SOX6: variants seen among roughly 807,000 people sequenced by gnomAD.
SOX6 encodes the protein SRY-box transcription factor 6.
A neutral mutation model predicts 97.8 loss-of-function variants in SOX6; 11 were observed. That is an observed-to-expected ratio of 0.11 (90% CI 0.07 to 0.19). SOX6 has a LOEUF of 0.19. Ranked by LOEUF, SOX6 falls within the 10% of genes least tolerant of loss-of-function variation. SOX6 has a pLI of 1.00. For synonymous variants in SOX6, 360 were observed against 371.4 expected, an observed-to-expected ratio of 0.97 and a Z score of 0.35; for missense variants, 810 against 1,039.5, an observed-to-expected ratio of 0.78 and a Z score of 3.04.
chr11:16,181,091 G>GA (rs1022217253), intron 6 of SOX6, among the ~76,000 whole-genome samples: 2 of 151,190 alleles, frequency 1.3e-5, no homozygotes, highest in Non-Finnish European at 1.5e-5. Flanking sequence ...AAATTGGGGG[G>GA]AAAAAAACAG....
At chr11:16,266,741 A>G (rs1854093524) in intron 3 of SOX6, among the ~76,000 whole-genome samples, 1 of 151,630 alleles carries the variant, frequency 6.6e-6, no homozygotes, top group Non-Finnish European at 1.5e-5. Flanking sequence ...GATGTATACA[A>G]TTAAACTCCA....
At chr11:16,178,665 A>G (rs1851262055) in intron 6 of SOX6, among the ~76,000 whole-genome samples, 1 of 151,988 alleles carries the variant, frequency 6.6e-6, no homozygotes, top group Admixed American at 6.6e-5. Flanking sequence ...AGAAGTATCA[A>G]ATTACTTTCA....
intron 4 of SOX6, among the ~76,000 whole-genome samples, chr11:16,526,054 A>G (rs927124195): frequency 6.6e-5 from 10 of 152,254 alleles, no homozygotes; most frequent in Admixed American, 3.9e-4. Context: ...AACTAGTTCA[A>G]CCATTGTGGA....
At chr11:16,310,696 A>C (rs1855575045) in intron 3 of SOX6, among the ~76,000 whole-genome samples, 1 of 152,120 alleles carries the variant, frequency 6.6e-6, no homozygotes, top group African/African-American at 2.4e-5. Flanking sequence ...TGAAATAACA[A>C]TTTTGCGTGT....
intron 3 of SOX6, 140 bp from the exon 4 acceptor site, chr11:16,234,811 C>T: frequency 2.1e-6 from 1 of 482,160 alleles, no homozygotes; most frequent in Non-Finnish European, 3.6e-6. Flanking sequence ...TAGAAAATTA[C>T]ATTATTCTAT....
chr11:16,298,371 A>C (rs537259946), intron 3 of SOX6, among the ~76,000 whole-genome samples: 1 of 152,154 alleles, frequency 6.6e-6, no homozygotes, highest in Non-Finnish European at 1.5e-5. Context: ...AATGTCTAAA[A>C]TGTAAGGAAT....
chr11:16,713,746 A>C (rs547113277), intron 3 of SOX6, among the ~76,000 whole-genome samples: 1 of 152,320 alleles, frequency 6.6e-6, no homozygotes, highest in Non-Finnish European at 1.5e-5. Context: ...CCATGTATCA[A>C]TTTACTCAAT....
chr11:16,361,691 C>A (rs1454345879), intron 1 of SOX6, among the ~76,000 whole-genome samples: 1 of 152,168 alleles, frequency 6.6e-6, no homozygotes, highest in African/African-American at 2.4e-5. Context: ...ACCACCTCTG[C>A]ACTGACACAC....
intron 9 of SOX6, among the ~76,000 whole-genome samples, chr11:16,067,250 C>A (rs1423880848): frequency 1.3e-5 from 2 of 152,040 alleles, no homozygotes; most frequent in Admixed American, 6.6e-5. Flanking sequence ...GAGACTGGGG[C>A]AAAATAATAT....
At chr11:16,462,875 C>T (rs946520363) in intron 1 of SOX6, among the ~76,000 whole-genome samples, 1 of 152,182 alleles carries the variant, frequency 6.6e-6, no homozygotes, top group Non-Finnish European at 1.5e-5. Context: ...GAGAGAAGTG[C>T]ACTCTCTTTG....
At chr11:16,472,582 G>A (rs979052462) in intron 1 of SOX6, among the ~76,000 whole-genome samples, 3 of 151,912 alleles carry the variant, frequency 2.0e-5, no homozygotes, top group Non-Finnish European at 4.4e-5. Context: ...ATAATAAAAT[G>A]TAAATTGATA....
At chr11:16,387,269 G>T (rs1565125378) in intron 1 of SOX6, among the ~76,000 whole-genome samples, 1 of 151,660 alleles carries the variant, frequency 6.6e-6, no homozygotes, top group African/African-American at 2.4e-5. Flanking sequence ...TTTTTTTTCA[G>T]TCAAGTTTGA....
chr11:16,690,078 C>G (rs1388382835), intron 3 of SOX6, among the ~76,000 whole-genome samples: 2 of 152,076 alleles, frequency 1.3e-5, no homozygotes, highest in Admixed American at 6.6e-5. Context: ...ATGTGCGCCA[C>G]CACACCCAGC....
At chr11:16,094,651 TC>T (rs1848757039) in intron 9 of SOX6, among the ~76,000 whole-genome samples, 1 of 151,906 alleles carries the variant, frequency 6.6e-6, no homozygotes, top group Non-Finnish European at 1.5e-5. Context: ...TAATGTCCAG[TC>T]ATTTCTTTCT....
chr11:16,291,386 T>TAAAC (rs1198696503), intron 3 of SOX6, among the ~76,000 whole-genome samples: 1 of 151,240 alleles, frequency 6.6e-6, no homozygotes, highest in African/African-American at 2.4e-5. Context: ...AATAAATAAA[T>TAAAC]AAACAAATAA....
At chr11:16,350,868 A>C (rs1296490237) in intron 1 of SOX6, among the ~76,000 whole-genome samples, 2 of 152,152 alleles carry the variant, frequency 1.3e-5, no homozygotes, top group Admixed American at 6.6e-5. Context: ...CATCGTAGAC[A>C]ATCAATACTA....
chr11:16,419,184 C>A (rs1004209441), intron 1 of SOX6, among the ~76,000 whole-genome samples: 4 of 152,062 alleles, frequency 2.6e-5, no homozygotes, highest in Admixed American at 2.6e-4. Context: ...AATGCTACAA[C>A]GATCTCCTGT....
intron 1 of SOX6, among the ~76,000 whole-genome samples, chr11:16,404,482 C>G (rs1288791086): frequency 6.6e-6 from 1 of 151,706 alleles, no homozygotes; most frequent in Non-Finnish European, 1.5e-5. Context: ...AATTAAGCAC[C>G]TAAATTCTTA....
intron 12 of SOX6, 88 bp downstream of exon 12, chr11:16,046,426 C>T: frequency 7.0e-7 from 1 of 1,422,364 alleles, no homozygotes; most frequent in South Asian, 1.2e-5. Flanking sequence ...TCTATGGCTG[C>T]AGGTTGATAC....
Sources: gnomAD v4.1 joint callset for allele counts (sites outside exome capture counted in the v4.1 genomes callset) on GRCh38, gnomAD v4.1.1 for gene constraint, MANE v1.5 for transcripts, NCBI Gene and HGNC (gene_info 2026-07-23, HGNC 2026-07-21) for gene names.